Variants in SNX29 observed in about 807,000 individuals in gnomAD.
SNX29 encodes the protein sorting nexin-29.
A neutral mutation model predicts 102.1 loss-of-function variants in SNX29; 78 were observed. The observed-to-expected ratio is 0.76, with a 90% CI of 0.64 to 0.92. SNX29 has a LOEUF of 0.92. Ranked by LOEUF, SNX29 falls within the 40% of genes least tolerant of loss-of-function variation. SNX29 has a pLI of 0.00. For synonymous variants in SNX29, 580 were observed against 414.5 expected, an observed-to-expected ratio of 1.40 and a Z score of -4.85; for missense variants, 1,280 against 1,061.7, an observed-to-expected ratio of 1.21 and a Z score of -2.86.
intron 16 of SNX29, among the ~76,000 whole-genome samples, chr16:12,380,707 C>A (rs1461430197): frequency 8.4e-6 from 1 of 119,146 alleles, no homozygotes; most frequent in Non-Finnish European, 1.7e-5. Context: ...CACCCACCAA[C>A]CATCAATTCC....
chr16:11,995,508 A>G (rs1312076257), intron 1 of SNX29, among the ~76,000 whole-genome samples: 2 of 151,900 alleles, frequency 1.3e-5, no homozygotes, highest in Non-Finnish European at 2.9e-5. Context: ...GACCTGCACA[A>G]TCTCGGGTAG....
chr16:12,483,536 C>G (rs988231340), intron 19 of SNX29, among the ~76,000 whole-genome samples: 1 of 151,774 alleles, frequency 6.6e-6, no homozygotes, highest in Non-Finnish European at 1.5e-5. Flanking sequence ...AGGCTGGTCT[C>G]GAACTCCTGA....
chr16:12,160,888 GGTCTGAAATATTGA>G (rs2055756181), intron 13 of SNX29, among the ~76,000 whole-genome samples: 1 of 152,138 alleles, frequency 6.6e-6, no homozygotes, highest in African/African-American at 2.4e-5. Flanking sequence ...TTCTCTTTTG[GGTCTGAAATATTGA>G]GATCTTGACT....
At chr16:12,425,562 G>A (rs1297455133) in intron 18 of SNX29, among the ~76,000 whole-genome samples, 13 of 140,750 alleles carry the variant, frequency 9.2e-5, no homozygotes, top group African/African-American at 3.5e-4. Context: ...AATAAAAAGA[G>A]GGAATAGAAA....
chr16:12,040,204 T>C (rs1327574748), intron 4 of SNX29, among the ~76,000 whole-genome samples: 1 of 151,978 alleles, frequency 6.6e-6, no homozygotes, highest in African/African-American at 2.4e-5. Context: ...GAACCTCATC[T>C]CTACAAATAA....
chr16:12,315,941 T>C (rs1304033457), intron 15 of SNX29, among the ~76,000 whole-genome samples: 3 of 152,176 alleles, frequency 2.0e-5, no homozygotes, highest in African/African-American at 4.8e-5. Flanking sequence ...AGGCCTCTGC[T>C]CCCATGGAAG....
intron 18 of SNX29, among the ~76,000 whole-genome samples, chr16:12,463,266 C>G (rs1472296346): frequency 1.3e-5 from 2 of 152,202 alleles, no homozygotes; most frequent in East Asian, 3.8e-4. Flanking sequence ...TGAGGTGAGG[C>G]TAGAAGTTTT....
At chr16:11,980,875 T>G (rs2055399110) in intron 1 of SNX29, among the ~76,000 whole-genome samples, 1 of 152,226 alleles carries the variant, frequency 6.6e-6, no homozygotes, top group South Asian at 2.1e-4. Flanking sequence ...ATAAGAATCC[T>G]CTGTAATTTT....
intron 4 of SNX29, among the ~76,000 whole-genome samples, chr16:12,040,601 A>AT (rs2049840904): frequency 6.6e-6 from 1 of 152,194 alleles, no homozygotes; most frequent in Non-Finnish European, 1.5e-5. Flanking sequence ...GAGGACAATT[A>AT]TTTATGTATA....
chr16:12,301,556 C>T (rs2080174423), intron 15 of SNX29, among the ~76,000 whole-genome samples: 1 of 152,238 alleles, frequency 6.6e-6, no homozygotes, highest in Non-Finnish European at 1.5e-5. Flanking sequence ...CTGACTAATC[C>T]ATTGTATTGC....
intron 17 of SNX29, among the ~76,000 whole-genome samples, chr16:12,402,102 T>C (rs1462750998): frequency 6.6e-6 from 1 of 152,232 alleles, no homozygotes; most frequent in Admixed American, 6.5e-5. Context: ...GGAAAGTGAT[T>C]AGATACACAA....
intron 19 of SNX29, among the ~76,000 whole-genome samples, chr16:12,521,187 CAAA>C (rs889960834): frequency 2.0e-5 from 3 of 151,854 alleles, no homozygotes; most frequent in Admixed American, 1.3e-4. Context: ...CTCAAAAAAA[CAAA>C]AAACAAAAAC....
chr16:12,560,680 A>C (rs2078674848), intron 20 of SNX29: 1 of 158,090 alleles, frequency 6.3e-6, no homozygotes, highest in South Asian at 2.1e-4. Flanking sequence ...GCTTGGATGC[A>C]TTTATATCTA....
chr16:12,483,052 C>G (rs955103061), intron 19 of SNX29, among the ~76,000 whole-genome samples: 1 of 140,884 alleles, frequency 7.1e-6, no homozygotes, highest in Non-Finnish European at 1.5e-5. Context: ...GTTCACCATT[C>G]GATGAAGTTT....
chr16:12,493,617 A>G (rs1350798049), intron 19 of SNX29, among the ~76,000 whole-genome samples: 1 of 152,182 alleles, frequency 6.6e-6, no homozygotes, highest in Non-Finnish European at 1.5e-5. Context: ...GTTTTGAGAC[A>G]AGGTCTCACT....
chr16:12,488,446 C>CA (rs1308729388), intron 19 of SNX29, among the ~76,000 whole-genome samples: 3 of 152,098 alleles, frequency 2.0e-5, no homozygotes, highest in African/African-American at 4.8e-5. Flanking sequence ...CGCAGTCCCC[C>CA]CCGTCCCCGC....
Position 12,285,158 on chromosome 16 carries a change from C to T in SNX29, c.1782+7122C>T, listed in dbSNP as rs375068619. ...TCTCACTTAGGTAAAGCTTTGTATC[C>T]GTATGTAATCAGTAGATGCCGTTTC... On this transcript the variant is annotated intron_variant, in intron 15 of 20. Coordinates refer to ENST00000566228, the MANE Select transcript of SNX29 (RefSeq NM_032167.5). 1.2e-3 allele frequency among the ~76,000 whole-genome samples: 190 copies of T among 152,268 alleles called. 1 individual carries two copies. The highest frequency in any genetic ancestry group is 0.01 in the Middle Eastern group (3 of 294).
intron 16 of SNX29, chr16:12,375,692 G>C (rs2082846337): frequency 6.6e-6 from 1 of 152,258 alleles, no homozygotes; most frequent in Non-Finnish European, 1.5e-5. Flanking sequence ...GCAAAAGAGA[G>C]AGACCAACTA....
At chr16:12,502,986 A>G (rs1390259980) in intron 19 of SNX29, among the ~76,000 whole-genome samples, 3 of 152,218 alleles carry the variant, frequency 2.0e-5, no homozygotes, top group South Asian at 2.1e-4. Context: ...GTTTAAGACT[A>G]TGTGCCTTTC....
Sources: allele counts gnomAD v4.1 joint callset (sites outside exome capture counted in the v4.1 genomes callset), GRCh38; gene constraint gnomAD v4.1.1; transcripts MANE v1.5; gene names NCBI Gene and HGNC (gene_info 2026-07-23, HGNC 2026-07-21).